CCDC7: variants seen among roughly 807,000 people sequenced by gnomAD.
The protein encoded by CCDC7 is coiled-coil domain-containing protein 7.
In CCDC7, 183 loss-of-function variants were observed where a neutral mutation model predicts 196.9. The observed-to-expected ratio is 0.93, with a 90% CI of 0.82 to 1.05. CCDC7 has a LOEUF of 1.05. CCDC7 is among the 50% of genes least tolerant of loss of function. CCDC7 has a pLI of 0.00. For missense variants in CCDC7, 1,540 were observed against 1,482.2 expected, an observed-to-expected ratio of 1.04 and a Z score of -0.64; for synonymous variants, 525 against 484.6, an observed-to-expected ratio of 1.08 and a Z score of -1.10.
exon 30 of CCDC7, chr10:32,805,096 C>T: frequency 1.2e-6 from 2 of 1,602,488 alleles, no homozygotes; most frequent in African/African-American, 1.3e-5. Context: ...AAGAGTTTCC[C>T]TGGTAAGAAA....
intron 31 of CCDC7, among the ~76,000 whole-genome samples, chr10:32,823,186 A>G (rs1253044422): frequency 6.6e-6 from 1 of 151,194 alleles, no homozygotes; most frequent in Non-Finnish European, 1.5e-5. Context: ...TCTGTTGCCC[A>G]GGCTGGAGTA....
intron 9 of CCDC7, among the ~76,000 whole-genome samples, chr10:32,500,085 T>A (rs954165067): frequency 6.6e-6 from 1 of 152,232 alleles, no homozygotes; most frequent in Non-Finnish European, 1.5e-5. Flanking sequence ...ACCGCCACTG[T>A]CATCATGGCC....
upstream of CCDC7, among the ~76,000 whole-genome samples, chr10:32,448,084 T>G (rs546693590): frequency 4.1e-4 from 62 of 152,326 alleles, 1 homozygote; most frequent in African/African-American, 8.7e-4. Context: ...AAATTATGCT[T>G]GGCAACTATG....
chr10:32,815,471 C>A (rs2088224322), intron 31 of CCDC7, among the ~76,000 whole-genome samples: 1 of 152,040 alleles, frequency 6.6e-6, no homozygotes, highest in Non-Finnish European at 1.5e-5. Context: ...AGGGAAAATT[C>A]ATTACAGGGT....
intron 28 of CCDC7, among the ~76,000 whole-genome samples, chr10:32,766,012 G>A (rs1164538060): frequency 6.6e-6 from 1 of 152,042 alleles, no homozygotes; most frequent in Non-Finnish European, 1.5e-5. Flanking sequence ...GAACTTGAAA[G>A]CCTTTCTACA....
intron 24 of CCDC7, among the ~76,000 whole-genome samples, chr10:32,709,395 A>T (rs932836209): frequency 6.6e-6 from 1 of 152,128 alleles, no homozygotes; most frequent in Non-Finnish European, 1.5e-5. Flanking sequence ...GGTGCAGCAC[A>T]TCAACATGGC....
downstream of CCDC7, among the ~76,000 whole-genome samples, chr10:32,880,268 A>G (rs1036939617): frequency 1.3e-5 from 2 of 152,152 alleles, no homozygotes; most frequent in African/African-American, 2.4e-5. Flanking sequence ...ATGGTATCTC[A>G]TTGTGGCTTT....
chr10:32,474,421 TAGAG>T (rs2038605023), intron 8 of CCDC7, among the ~76,000 whole-genome samples: 1 of 150,572 alleles, frequency 6.6e-6, no homozygotes, highest in Non-Finnish European at 1.5e-5. Context: ...TTTTTTTTAG[TAGAG>T]AGAGTTTCAC....
intron 21 of CCDC7, among the ~76,000 whole-genome samples, chr10:32,671,859 G>T (rs1287008734): frequency 6.6e-6 from 1 of 152,148 alleles, no homozygotes; most frequent in Non-Finnish European, 1.5e-5. Flanking sequence ...TGATGACAAA[G>T]ATTTCGAGGA....
chr10:32,752,495 G>T (rs1042644818), intron 28 of CCDC7, among the ~76,000 whole-genome samples: 16 of 152,048 alleles, frequency 1.1e-4, no homozygotes, highest in Admixed American at 1.0e-3. Flanking sequence ...TGGAGTCTTA[G>T]TTGTACTCCT....
intron 28 of CCDC7, among the ~76,000 whole-genome samples, chr10:32,759,773 A>T (rs2077123454): frequency 6.6e-6 from 1 of 152,254 alleles, no homozygotes; most frequent in Non-Finnish European, 1.5e-5. Context: ...GAGCTTCTGC[A>T]CAGCAAAAGA....
At chr10:32,837,682 C>T (rs1314114681) in intron 33 of CCDC7, among the ~76,000 whole-genome samples, 2 of 152,016 alleles carry the variant, frequency 1.3e-5, no homozygotes, top group African/African-American at 4.8e-5. Flanking sequence ...TCCCAAATGT[C>T]CAACAATGAT....
At chr10:32,698,276 C>G (rs193151839) in intron 24 of CCDC7, among the ~76,000 whole-genome samples, 7 of 152,274 alleles carry the variant, frequency 4.6e-5, no homozygotes, top group Non-Finnish European at 7.4e-5. Flanking sequence ...AAATTCTAAA[C>G]ACCAGAGTGC....
rs577879409 is a variant in CCDC7, at chr10:32,755,877, G to A, written c.2906-23100G>A. Among the ~76,000 whole-genome samples the A allele has an allele frequency of 1.1e-3, 163 of 152,244 alleles. 1 individual carries two copies. The highest frequency in any genetic ancestry group is 3.7e-3 in the African/African-American group (155 of 41,562). On this transcript the variant is annotated intron_variant, in intron 28 of 41. Coordinates refer to ENST00000639629, the Ensembl canonical transcript of CCDC7. The stretch of plus-strand genomic sequence containing the variant: ...ACCTTGAAAAAAGATGAGACGAATG[G>A]CTAACTAGAATAAACAGTGTAGAGA...
chr10:32,536,798 C>G (rs941452019), intron 11 of CCDC7, among the ~76,000 whole-genome samples: 6 of 152,130 alleles, frequency 3.9e-5, no homozygotes, highest in Non-Finnish European at 8.8e-5. Flanking sequence ...TGGCTTCCAG[C>G]TCCATCTGTG....
At chr10:32,506,747 C>CGGGCCAAGGCAGGAGAATCATGGG (rs2045232631) in intron 9 of CCDC7, among the ~76,000 whole-genome samples, 1 of 151,486 alleles carries the variant, frequency 6.6e-6, no homozygotes, top group African/African-American at 2.4e-5. Flanking sequence ...AGGCACTCGG[C>CGGGCCAAGGCAGGAGAATCATGGG]GGGCCAAGGC....
At chr10:32,790,242 T>A (rs868796285) in intron 29 of CCDC7, among the ~76,000 whole-genome samples, 71 of 152,246 alleles carry the variant, frequency 4.7e-4, no homozygotes, top group African/African-American at 1.4e-3. Context: ...TATTGGGGGC[T>A]GTCTGTGGTG....
chr10:32,845,375 C>T, intron 34 of CCDC7, 49 bp downstream of exon 35: 13 of 1,385,104 alleles, frequency 9.4e-6, no homozygotes, highest in Non-Finnish European at 1.3e-5. Context: ...GATTGATATT[C>T]CCTGAGTTAA....
At chr10:32,672,970 AT>A (rs1189558934) in intron 21 of CCDC7, among the ~76,000 whole-genome samples, 7 of 152,148 alleles carry the variant, frequency 4.6e-5, no homozygotes, top group South Asian at 2.1e-4. Context: ...ACTAAGGTTG[AT>A]TTTTTTGTGT....
Sources: allele counts gnomAD v4.1 joint callset (sites outside exome capture counted in the v4.1 genomes callset), GRCh38; gene constraint gnomAD v4.1.1; transcripts MANE v1.5; gene names NCBI Gene and HGNC (gene_info 2026-07-23, HGNC 2026-07-21).